Variants in ELSPBP1 observed in about 807,000 individuals in gnomAD.
ELSPBP1 encodes the protein epididymal sperm-binding protein 1.
In ELSPBP1, 38 loss-of-function variants were observed where a neutral mutation model predicts 33.3. That is an observed-to-expected ratio of 1.14 (90% CI 0.88 to 1.50). The LOEUF is 1.50. Ranked by LOEUF, ELSPBP1 falls within the 40% of genes most tolerant of loss-of-function variation. The pLI is 0.00. For missense variants in ELSPBP1, 267 were observed against 263.5 expected (o/e 1.01, Z -0.09); for synonymous variants, 85 against 94.1 (o/e 0.90, Z 0.56).
chr19:48,014,686 T>A (rs560476042), intron 3 of ELSPBP1, among the ~76,000 whole-genome samples: 13 of 151,126 alleles, frequency 8.6e-5, no homozygotes, highest in African/African-American at 2.4e-4. Context: ...TAATAAAATT[T>A]AAAAAAATCA....
chr19:48,005,715 G>A (rs1027482853), intron 1 of ELSPBP1, among the ~76,000 whole-genome samples: 2 of 152,118 alleles, frequency 1.3e-5, no homozygotes, highest in African/African-American at 4.8e-5. Flanking sequence ...CCCATGTTAA[G>A]CCTAGAGGCA....
At position 48,011,675 on chromosome 19, in the gene ELSPBP1, G is replaced by A. The variant is rs1315871584; in HGVS notation, c.71-2496G>A. On this transcript the variant is annotated intron_variant, in intron 2 of 6. Transcript: ENST00000339841. The surrounding 1 kb of genome is among the most constrained non-coding windows in gnomAD (Gnocchi z 4.5). ...TGACAATGACAATAATGAGACTGAT[G>A]ATGGTGACAATGACTGATGATGATG... 1.3e-5 allele frequency among the ~76,000 whole-genome samples: 2 copies of A among 151,914 alleles called. No homozygotes were observed. Among genetic ancestry groups the A allele is most frequent in the African/African-American group, 4.8e-5 (2 of 41,356 alleles).
intron 1 of ELSPBP1, among the ~76,000 whole-genome samples, chr19:48,005,761 A>C (rs2122299463): frequency 6.6e-6 from 1 of 152,272 alleles, no homozygotes; most frequent in African/African-American, 2.4e-5. Context: ...ATTACTCTGA[A>C]CTGAGTCAGA....
At chr19:48,016,439 C>T (rs774908984) in intron 4 of ELSPBP1, among the ~76,000 whole-genome samples, 16 of 149,694 alleles carry the variant, frequency 1.1e-4, no homozygotes, top group Non-Finnish European at 1.9e-4. Context: ...TTCCTCCCTC[C>T]CTCCCTTTTC....
chr19:48,009,883 T>C (rs2122309161), intron 2 of ELSPBP1, among the ~76,000 whole-genome samples: 1 of 152,270 alleles, frequency 6.6e-6, no homozygotes, highest in Non-Finnish European at 1.5e-5. Context: ...GCTTCTTACA[T>C]CCTGGAGCCC....
intron 4 of ELSPBP1, 128 bp from the exon 5 acceptor site, chr19:48,019,591 A>T: frequency 1.2e-6 from 1 of 802,748 alleles, no homozygotes; most frequent in Non-Finnish European, 2.0e-6. Flanking sequence ...GTCATCCGGA[A>T]GTTGCTTGGA....
intron 1 of ELSPBP1, among the ~76,000 whole-genome samples, chr19:47,996,893 T>C (rs1429163752): frequency 6.6e-6 from 1 of 152,236 alleles, no homozygotes; most frequent in African/African-American, 2.4e-5. Flanking sequence ...AATGTTATCA[T>C]CATCATCATC....
intron 5 of ELSPBP1, 76 bp from the exon 6 acceptor site, chr19:48,022,094 G>A (rs1464692417): frequency 2.2e-6 from 3 of 1,368,534 alleles, no homozygotes; most frequent in Non-Finnish European, 3.0e-6. Flanking sequence ...AATCTAGGGT[G>A]GGCCTGAAGC....
At chr19:48,024,666 A>G (rs1216467813) in intron 6 of ELSPBP1, among the ~76,000 whole-genome samples, 2 of 152,210 alleles carry the variant, frequency 1.3e-5, no homozygotes, top group African/African-American at 4.8e-5. Flanking sequence ...GGCTAGGACT[A>G]GGAACAGCGT....
chr19:48,006,621 CAAAAAAAAAAA>C (rs1190341508), intron 1 of ELSPBP1, among the ~76,000 whole-genome samples: 3 of 20,886 alleles, frequency 1.4e-4, no homozygotes, highest in East Asian at 2.5e-3. Flanking sequence ...GACCCTGTCT[CAAAAAAAAAAA>C]AAAAAAAAAA....
chr19:48,024,645 G>C (rs2278237), intron 6 of ELSPBP1, among the ~76,000 whole-genome samples: 140,412 of 152,248 alleles, frequency 0.92, 64,796 homozygotes, highest in African/African-American at 0.95. Context: ...CCACAGTGGC[G>C]TTCAGTCTGT....
At chr19:48,019,489 G>A (rs73567218) in intron 4 of ELSPBP1, among the ~76,000 whole-genome samples, 18,620 of 152,148 alleles carry the variant, frequency 0.12, 1,751 homozygotes, top group African/African-American at 0.27. Flanking sequence ...GATGGCGACC[G>A]CAGAACCGTG....
Position 48,011,732 on chromosome 19 carries a change from T to G in ELSPBP1, c.71-2439T>G, listed in dbSNP as rs1434586005. Among the ~76,000 whole-genome samples, 1 of 152,004 alleles carries G rather than the reference T, an allele frequency of 6.6e-6. No individual in the cohort carries two copies. Among genetic ancestry groups the G allele is most frequent in the Non-Finnish European group, 1.5e-5 (1 of 68,008 alleles). On this transcript the variant is annotated intron_variant, in intron 2 of 6. Transcript: ENST00000339841. This position sits in a 1 kb window ranked among gnomAD's most constrained non-coding sequence, Gnocchi z 4.5. ...ACAATGATGATGAGCATTATGATGA[T>G]GCCAATGACAATAGCGTGGAGAATG...
intron 4 of ELSPBP1, among the ~76,000 whole-genome samples, chr19:48,017,423 C>T (rs10415261): frequency 0.79 from 119,577 of 152,154 alleles, 47,304 homozygotes; most frequent in East Asian, 0.94. Context: ...TTAACCTAAT[C>T]TTTCATCCCA....
rs907243390 is a variant in ELSPBP1 at position 48,013,553 on chromosome 19, C to T, written c.71-618C>T. Among the ~76,000 whole-genome samples, 3 of 152,142 alleles carry T rather than the reference C, an allele frequency of 2.0e-5. No homozygotes were observed. In the South Asian group the frequency reaches 6.2e-4, roughly 32 times the overall value. On this transcript the variant is annotated intron_variant, in intron 2 of 6. Coordinates refer to ENST00000339841, the MANE Select transcript of ELSPBP1 (RefSeq NM_022142.5). ...CCAACATGGCAAAACCCCGTCTCTA[C>T]TAAAAATACAAAAATTTGCTAGGTG...
At position 48,019,880 on chromosome 19, in the gene ELSPBP1, A is replaced by T; in HGVS notation, c.514+3A>T. The stretch of plus-strand genomic sequence containing the variant: ...GTGGAGTTTCTGTGCCGACACCAGT[A>T]ATCTGGGGATGGGGGTTGGGTGGGT... On this transcript the variant is annotated splice_donor_region_variant and intron_variant, in intron 5 of 6. Coordinates refer to ENST00000339841, the MANE Select transcript of ELSPBP1 (RefSeq NM_022142.5). 6.2e-7 allele frequency: 1 copy of T among 1,612,570 alleles called. No individual in the cohort carries two copies. The highest frequency in any genetic ancestry group is 8.5e-7 in the Non-Finnish European group (1 of 1,179,266).
intron 1 of ELSPBP1, among the ~76,000 whole-genome samples, chr19:48,006,640 A>AG (rs1400127230): frequency 0.2 from 28,403 of 145,072 alleles, 3,697 homozygotes; most frequent in Middle Eastern, 0.28. Flanking sequence ...AAAAAAAAAA[A>AG]AAAAAAAGAA....
At chr19:48,008,125 T>C (rs1600104751) in intron 1 of ELSPBP1, among the ~76,000 whole-genome samples, 3 of 152,290 alleles carry the variant, frequency 2.0e-5, no homozygotes, top group Admixed American at 2.0e-4. Flanking sequence ...GGCTATATGA[T>C]ACAGCCTGTG....
At chr19:48,008,799 C>T in intron 2 of ELSPBP1, 62 bp downstream of exon 2, 2 of 1,456,536 alleles carry the variant, frequency 1.4e-6, no homozygotes, top group Non-Finnish European at 1.9e-6. Context: ...TGGGGCAAAG[C>T]AAAGATTCCT....
Sources: gnomAD v4.1 joint callset for allele counts (sites outside exome capture counted in the v4.1 genomes callset) on GRCh38, gnomAD v4.1.1 for gene constraint, Gnocchi (gnomAD v3.1) non-coding constraint, MANE v1.5 for transcripts, NCBI Gene and HGNC (gene_info 2026-07-23, HGNC 2026-07-21) for gene names.